YBX1: variants seen among roughly 807,000 people sequenced by gnomAD.
YBX1 encodes Y-box-binding protein 1.
In YBX1, 3 loss-of-function variants were observed where a neutral mutation model predicts 41.4. That is an observed-to-expected ratio of 0.07 (90% CI 0.03 to 0.19). The LOEUF (loss-of-function observed/expected upper bound fraction) is 0.19. YBX1 is among the 10% of genes least tolerant of loss of function. The probability of loss-of-function intolerance (pLI) is 1.00; values close to 1 mark genes in which losing one functional copy is unlikely to be tolerated. For synonymous variants in YBX1, 133 were observed against 165.8 expected, an observed-to-expected ratio of 0.80 and a Z score of 1.52; for missense variants, 274 against 462.8, an observed-to-expected ratio of 0.59 and a Z score of 3.74.
chr1:42,693,345 G>C lies in YBX1; in HGVS notation c.231-145G>C. 6 of 783,732 alleles carry C rather than the reference G, an allele frequency of 7.7e-6. No homozygotes were observed. In the South Asian group the frequency reaches 9.3e-5, roughly 12 times the overall value. 48.5% of individuals were successfully genotyped at this position (783,732 alleles called of 1,614,324 possible). On this transcript the variant is annotated intron_variant, in intron 2 of 7. Transcript: ENST00000321358. ...TGCAACTGCTGAAGTCTTGAAAGCA[G>C]AGAGCATGGTGGCTTGTGTTTTTTG...
At chr1:42,683,320 G>C (rs188040472) in intron 1 of YBX1, 83 bp from the exon 2 acceptor site, 31,776 of 1,557,488 alleles carry the variant, frequency 0.02, 399 homozygotes, top group Non-Finnish European at 0.024. Flanking sequence ...GCCGGCGTGC[G>C]AGGGACCGGA....
At chr1:42,697,070 C>T in intron 5 of YBX1, 110 bp from the exon 6 acceptor site, 1 of 1,462,770 alleles carries the variant, frequency 6.8e-7, no homozygotes, top group Non-Finnish European at 9.2e-7. Context: ...AATGTAGTCA[C>T]AATTACTAGA....
chr1:42,696,896 G>A lies in YBX1; in HGVS notation c.609G>A (p.Gly203=). The part of the protein sequence containing the change: ...FPPYYMRRPY[G]RRPQYSNPPV... ...CTTACTACATGCGGAGACCCTATGGGCGTCGACCACAGTATTCCAACCCTC... is the reference window on the plus strand; with the variant it reads ...CTTACTACATGCGGAGACCCTATGGACGTCGACCACAGTATTCCAACCCTC... The change falls in exon 5 of 8, where the codon GGG becomes GGA. Residue 203 remains glycine, a synonymous_variant. Transcript: ENST00000321358. The surrounding 1 kb of genome is among the most constrained non-coding windows in gnomAD (Gnocchi z 5.7). 3 of 1,577,240 alleles carry A rather than the reference G, an allele frequency of 1.9e-6. No individual in the cohort carries two copies. Among genetic ancestry groups the A allele is most frequent in the Non-Finnish European group, 2.6e-6 (3 of 1,160,464 alleles).
rs1448462226 is a variant in YBX1, at chr1:42,682,426, T to C, written c.-140T>C. The C allele has an allele frequency of 1.3e-5, 14 of 1,093,464 alleles. No homozygotes were observed. Among genetic ancestry groups the C allele is most frequent in the South Asian group, 9.4e-5 (4 of 42,722 alleles). The allele number at this position is 1,093,464 out of a possible 1,614,324, so 67.7% of individuals were successfully genotyped here. ...ATCCCGCCTGTCCCGCCATTCTCGCTAGTTCGATCGGTAGCGGGAGCGGAG... is the reference window on the plus strand; with the variant it reads ...ATCCCGCCTGTCCCGCCATTCTCGCCAGTTCGATCGGTAGCGGGAGCGGAG... On this transcript the variant is annotated 5_prime_UTR_variant, in exon 1 of 8. Transcript: ENST00000321358.
At chr1:42,701,538 T>G (rs58708564) in intron 7 of YBX1, among the ~76,000 whole-genome samples, 9,239 of 152,016 alleles carry the variant, frequency 0.061, 436 homozygotes, top group East Asian at 0.2. Context: ...GTTTTTTTTT[T>G]TTGTTGGTTT....
intron 3 of YBX1, among the ~76,000 whole-genome samples, chr1:42,695,194 T>C (rs1650430318): frequency 1.3e-5 from 2 of 152,208 alleles, no homozygotes; most frequent in Admixed American, 6.5e-5. Context: ...TGCTCAGGTC[T>C]TAGTGGTGTA....
intron 2 of YBX1, among the ~76,000 whole-genome samples, chr1:42,683,886 T>G (rs1009486846): frequency 1.3e-5 from 2 of 152,200 alleles, no homozygotes; most frequent in Non-Finnish European, 2.9e-5. Context: ...CGTTTTAGGG[T>G]AAGAGGATTT....
At chr1:42,694,356 G>A (rs1306401665) in intron 3 of YBX1, among the ~76,000 whole-genome samples, 2 of 152,170 alleles carry the variant, frequency 1.3e-5, no homozygotes, top group Non-Finnish European at 2.9e-5. Flanking sequence ...TACATTGAAT[G>A]TACTTATCCT....
intron 3 of YBX1, among the ~76,000 whole-genome samples, chr1:42,695,600 T>G (rs2148740174): frequency 6.6e-6 from 1 of 152,362 alleles, no homozygotes; most frequent in South Asian, 2.1e-4. Context: ...ATACAAGATT[T>G]ATTGAATTCT....
chr1:42,686,202 TTTAAA>T (rs1409706840), intron 2 of YBX1, among the ~76,000 whole-genome samples: 1 of 152,188 alleles, frequency 6.6e-6, no homozygotes, highest in Admixed American at 6.5e-5. Context: ...ACTTAAAATG[TTTAAA>T]TTAATAATTC....
chr1:42,693,456 T>C, intron 2 of YBX1, 34 bp from the exon 3 acceptor site: 1 of 1,612,240 alleles, frequency 6.2e-7, no homozygotes, highest in South Asian at 1.1e-5. Flanking sequence ...TTTATTTCAT[T>C]TTCTAACTTG....
chr1:42,693,521 C>G lies in YBX1; in HGVS notation c.262C>G (p.Gln88Glu). The change falls in exon 3 of 8, where the codon CAG becomes GAG. Residue 88 changes from glutamine (Q) to glutamate (E), a missense_variant and splice_region_variant. Coordinates refer to ENST00000321358, the MANE Select transcript of YBX1 (RefSeq NM_004559.5). ...CACCAAGGAAGATGTATTTGTACAC[C>G]AGGTGAGTGCTTGTGTAGATATTTG... Reference protein sequence around the residue: ...NDTKEDVFVHQTAIKKNNPRK... With the variant: ...NDTKEDVFVHETAIKKNNPRK... The G allele has an allele frequency of 6.2e-7, 1 of 1,613,448 alleles. No homozygotes were observed. Among genetic ancestry groups the G allele is most frequent in the Non-Finnish European group, 8.5e-7 (1 of 1,179,580 alleles).
rs1650622920 is a variant in YBX1 at position 42,702,300 on chromosome 1, C to A, written c.*351C>A. 1 of 152,340 alleles carries A rather than the reference C, an allele frequency of 6.6e-6. No individual in the cohort carries two copies. The allele number at this position is 152,340 out of a possible 1,614,324, so 9.4% of individuals were successfully genotyped here. On this transcript the variant is annotated 3_prime_UTR_variant, in exon 8 of 8. Transcript: ENST00000321358. ...ATAAAAGTTTACAACTTGATTTTTT[C>A]AAAAAAGTCAACAAACTGCAAGCAC...
chr1:42,683,178 C>T, intron 1 of YBX1: 1 of 662,568 alleles, frequency 1.5e-6, no homozygotes, highest in Non-Finnish European at 2.7e-6. Flanking sequence ...CACACCCATC[C>T]TGGGGCCCGC....
At chr1:42,692,769 C>T (rs1650370512) in intron 2 of YBX1, among the ~76,000 whole-genome samples, 1 of 152,218 alleles carries the variant, frequency 6.6e-6, no homozygotes, top group African/African-American at 2.4e-5. Context: ...CGTGTTATCA[C>T]CTTAATCCCA....
At chr1:42,699,331 A>G (rs1185515049) in intron 6 of YBX1, among the ~76,000 whole-genome samples, 1 of 152,254 alleles carries the variant, frequency 6.6e-6, no homozygotes, top group East Asian at 1.9e-4. Context: ...TGGGGCAAAG[A>G]ACCCTCTAGA....
chr1:42,682,723 A>G lies in YBX1; in HGVS notation c.158A>G (p.Lys53Arg). Residue 53 changes from lysine (K) to arginine (R), a missense_variant, in exon 1 of 8, where the codon AAG becomes AGG. Around this residue, in one of 3 missense-constraint regions of YBX1, gnomAD observed 84 missense variants for 130.8 expected, o/e 0.64. Transcript: ENST00000321358. The stretch of plus-strand genomic sequence containing the variant: ...GCGGCGCCTGCCGGCGGGGACAAGA[A>G]GGTCATCGGTGAGGACCGGACAGGG... Reference protein sequence around the residue: ...TSAAPAGGDKKVIATKVLGTV... With the variant: ...TSAAPAGGDKRVIATKVLGTV... The G allele has an allele frequency of 2.4e-6, 3 of 1,243,104 alleles. No individual in the cohort carries two copies. The African/African-American group carries it at 4.7e-5, about 20-fold the overall frequency. 77.0% of individuals were successfully genotyped at this position (1,243,104 alleles called of 1,614,324 possible). A position where few individuals can be genotyped will look rare whatever the true frequency, so the allele number is the denominator to read the frequency against.
chr1:42,696,518 C>CG lies in YBX1; in HGVS notation c.355-124_355-123insG, dbSNP rs1650463116. On this transcript the variant is annotated intron_variant, in intron 4 of 7. Coordinates refer to ENST00000321358, the MANE Select transcript of YBX1 (RefSeq NM_004559.5). This position sits in a 1 kb window ranked among gnomAD's most constrained non-coding sequence, Gnocchi z 5.7. ...CCCTGGTCACGCAGTTGCGCCCCCC[C>CG]CCCCTTTTTTTTCCTTAACTTTGTT... 2.8e-6 allele frequency: 2 copies of CG among 717,220 alleles called. No homozygotes were observed. The highest frequency in any genetic ancestry group is 2.2e-6 in the Non-Finnish European group (1 of 452,618). 44.4% of individuals were successfully genotyped at this position (717,220 alleles called of 1,614,324 possible). A position where few individuals can be genotyped will look rare whatever the true frequency, so the allele number is the denominator to read the frequency against.
At chr1:42,686,072 C>G (rs1650189270) in intron 2 of YBX1, among the ~76,000 whole-genome samples, 1 of 152,150 alleles carries the variant, frequency 6.6e-6, no homozygotes, top group South Asian at 2.1e-4. Flanking sequence ...TATTAGCTCC[C>G]CCCAGATTAC....
Sources: allele counts gnomAD v4.1 joint callset (sites outside exome capture counted in the v4.1 genomes callset), GRCh38; gene constraint gnomAD v4.1.1; regional missense constraint gnomAD v4.1.1; non-coding constraint Gnocchi (gnomAD v3.1); transcripts MANE v1.5; gene names NCBI Gene and HGNC (gene_info 2026-07-23, HGNC 2026-07-21).